The following LSAMP variants were observed in gnomAD, a reference collection of about 807,000 sequenced individuals.
The protein encoded by LSAMP is limbic system-associated membrane protein.
LSAMP carries 7 observed loss-of-function variants against 38.6 expected under a neutral mutation model. The observed-to-expected ratio is 0.18, with a 90% confidence interval of 0.10 to 0.34. The LOEUF (loss-of-function observed/expected upper bound fraction) is 0.34. Ranked by LOEUF, LSAMP falls within the 10% of genes least tolerant of loss-of-function variation. The pLI, the probability that LSAMP is intolerant of heterozygous loss-of-function variation, is 1.00. For missense variants in LSAMP, 313 were observed against 420.0 expected (o/e 0.75, Z 2.23); for synonymous variants, 154 against 166.8 (o/e 0.92, Z 0.59).
chr3:116,309,602 T>G (rs1341763960), intron 1 of LSAMP, among the ~76,000 whole-genome samples: 6 of 152,156 alleles, frequency 3.9e-5, no homozygotes, highest in Admixed American at 6.6e-5. Flanking sequence ...ATATAAACTT[T>G]GTATTTGTTT....
intron 1 of LSAMP, among the ~76,000 whole-genome samples, chr3:116,437,690 A>G (rs2049372837): frequency 6.6e-6 from 1 of 151,758 alleles, no homozygotes; most frequent in African/African-American, 2.4e-5. Context: ...GAGGAGAGAA[A>G]AGGAGAGGAA....
chr3:115,929,825 T>A (rs1937551416), intron 3 of LSAMP, among the ~76,000 whole-genome samples: 1 of 152,060 alleles, frequency 6.6e-6, no homozygotes, highest in Non-Finnish European at 1.5e-5. Context: ...CCTTCTACCA[T>A]GCACCCTCTA....
At chr3:115,859,232 A>G (rs990563015) in intron 3 of LSAMP, among the ~76,000 whole-genome samples, 6 of 152,142 alleles carry the variant, frequency 3.9e-5, no homozygotes, top group Admixed American at 3.3e-4. Context: ...GGAGGGGTGA[A>G]GAGTGGTAAA....
chr3:116,386,967 T>C (rs1165232496), intron 1 of LSAMP, among the ~76,000 whole-genome samples: 1 of 152,082 alleles, frequency 6.6e-6, no homozygotes, highest in Non-Finnish European at 1.5e-5. Context: ...TGGGCTAAGA[T>C]ACAGAAGAAC....
chr3:115,902,755 T>C (rs1936910224), intron 3 of LSAMP, among the ~76,000 whole-genome samples: 1 of 152,100 alleles, frequency 6.6e-6, no homozygotes, highest in South Asian at 2.1e-4. Context: ...TCAACATCAT[T>C]GGTCATCAGA....
At chr3:116,281,247 CA>C (rs551870424) in intron 1 of LSAMP, among the ~76,000 whole-genome samples, 69 of 152,230 alleles carry the variant, frequency 4.5e-4, no homozygotes, top group African/African-American at 1.6e-3. Flanking sequence ...GGAATAGAGG[CA>C]GGGGAGGATA....
chr3:115,865,544 A>G (rs911703991), intron 3 of LSAMP, among the ~76,000 whole-genome samples: 4 of 152,296 alleles, frequency 2.6e-5, no homozygotes, highest in Non-Finnish European at 5.9e-5. Context: ...TGATCAGCTT[A>G]TCTCAAATTC....
At chr3:116,079,975 T>C (rs1266464015) in intron 2 of LSAMP, among the ~76,000 whole-genome samples, 1 of 152,180 alleles carries the variant, frequency 6.6e-6, no homozygotes, top group Non-Finnish European at 1.5e-5. Context: ...TATTTAAACA[T>C]ATTTGAAAGG....
chr3:116,105,629 A>T (rs972616566), intron 1 of LSAMP, among the ~76,000 whole-genome samples: 1 of 152,122 alleles, frequency 6.6e-6, no homozygotes, highest in African/African-American at 2.4e-5. Context: ...CACTCAGTTA[A>T]AGTGGGGCAG....
chr3:116,281,393 T>G (rs2107682149), intron 1 of LSAMP, among the ~76,000 whole-genome samples: 1 of 152,310 alleles, frequency 6.6e-6, no homozygotes, highest in East Asian at 1.9e-4. Flanking sequence ...TTTGCATTCA[T>G]GACAATTACT....
intron 1 of LSAMP, among the ~76,000 whole-genome samples, chr3:116,387,434 A>T (rs1375579472): frequency 6.6e-6 from 1 of 152,220 alleles, no homozygotes; most frequent in Admixed American, 6.5e-5. Context: ...ATGTTAGTTG[A>T]CAGGGTAAAT....
chr3:116,190,504 A>T (rs543408654), intron 1 of LSAMP, among the ~76,000 whole-genome samples: 3 of 152,252 alleles, frequency 2.0e-5, no homozygotes, highest in African/African-American at 7.2e-5. Flanking sequence ...AGGGAGATAA[A>T]CAAACAGTGT....
intron 1 of LSAMP, among the ~76,000 whole-genome samples, chr3:116,159,951 A>G (rs1046888058): frequency 1.8e-4 from 27 of 152,340 alleles, no homozygotes; most frequent in Admixed American, 1.1e-3. Flanking sequence ...GCTTCAGGCC[A>G]TTAACCTAAG....
intron 6 of LSAMP, among the ~76,000 whole-genome samples, chr3:115,836,238 C>T (rs2107493119): frequency 6.6e-6 from 1 of 152,248 alleles, no homozygotes; most frequent in East Asian, 1.9e-4. Flanking sequence ...TTAGGCCTAT[C>T]ACGCCCCATT....
chr3:116,084,080 C>A (rs573953510), intron 2 of LSAMP, among the ~76,000 whole-genome samples: 2 of 152,186 alleles, frequency 1.3e-5, no homozygotes, highest in South Asian at 4.2e-4. Context: ...CTGTCCTAAG[C>A]CTACAGAAAG....
chr3:116,399,942 G>A (rs2048816962), intron 1 of LSAMP, among the ~76,000 whole-genome samples: 1 of 152,084 alleles, frequency 6.6e-6, no homozygotes, highest in African/African-American at 2.4e-5. Context: ...GTGGCCAGAA[G>A]GAAAGAAAGG....
In LSAMP at chr3:116,162,768, T is replaced by TACACACACACACAC. The variant is rs71141856; in HGVS notation, c.156-76226_156-76213dup. Among the ~76,000 whole-genome samples, 160 of 147,436 alleles carry TACACACACACACAC rather than the reference T, an allele frequency of 1.1e-3. 1 individual carries two copies. The highest frequency in any genetic ancestry group is 4.8e-3 in the South Asian group (22 of 4,612). ...TATACATATCGTATACACACACTTA[T>TACACACACACACAC]ACACACACACACACACACACACACA... On this transcript the variant is annotated intron_variant, in intron 1 of 6. Coordinates refer to ENST00000490035, the MANE Select transcript of LSAMP (RefSeq NM_002338.5).
Position 116,013,659 on chromosome 3 carries a change from T to C in LSAMP, c.514+5856A>G, listed in dbSNP as rs1276423957. Among the ~76,000 whole-genome samples, 3 of 152,266 alleles carry C rather than the reference T, an allele frequency of 2.0e-5. No individual in the cohort carries two copies. The East Asian group carries it at 5.8e-4, about 29-fold the overall frequency. On this transcript the variant is annotated intron_variant, in intron 3 of 6. Coordinates refer to ENST00000490035, the MANE Select transcript of LSAMP (RefSeq NM_002338.5). ...TAATATCAATATACAAGTAAGGCAC[T>C]GAAAATAAAATATAGCAAACATTTT...
At chr3:115,854,663 GC>G (rs1371958943) in intron 3 of LSAMP, among the ~76,000 whole-genome samples, 4 of 152,102 alleles carry the variant, frequency 2.6e-5, no homozygotes, top group Admixed American at 6.5e-5. Flanking sequence ...AGGGTAACTG[GC>G]CACTTTTCTG....
Sources: allele counts gnomAD v4.1 joint callset (sites outside exome capture counted in the v4.1 genomes callset), GRCh38; gene constraint gnomAD v4.1.1; transcripts MANE v1.5; gene names NCBI Gene and HGNC (gene_info 2026-07-23, HGNC 2026-07-21).